The following ANKRD28 variants were observed in gnomAD, a reference collection of about 807,000 sequenced individuals.
ANKRD28 encodes the protein serine/threonine-protein phosphatase 6 regulatory ankyrin repeat subunit A.
ANKRD28 carries 44 observed loss-of-function variants against 126.5 expected under a neutral mutation model. The ratio of observed to expected loss-of-function variants is 0.35; its 90% CI spans 0.27 to 0.45. ANKRD28 has a LOEUF of 0.45. ANKRD28 is among the 20% of genes least tolerant of loss of function. The probability of loss-of-function intolerance (pLI) is 1.00; values close to 1 mark genes in which losing one functional copy is unlikely to be tolerated. For missense variants in ANKRD28, 1,110 were observed against 1,316.6 expected, an observed-to-expected ratio of 0.84 and a Z score of 2.43; for synonymous variants, 442 against 468.5, an observed-to-expected ratio of 0.94 and a Z score of 0.73.
intron 2 of ANKRD28, among the ~76,000 whole-genome samples, chr3:15,775,745 A>T (rs916064318): frequency 6.6e-6 from 1 of 152,224 alleles, no homozygotes; most frequent in Non-Finnish European, 1.5e-5. Flanking sequence ...TGCAACTTCC[A>T]TTCCCTCTCT....
At chr3:15,762,208 A>AAC (rs2058507953) in intron 3 of ANKRD28, among the ~76,000 whole-genome samples, 1 of 33,204 alleles carries the variant, frequency 3.0e-5, no homozygotes, top group African/African-American at 6.0e-5. Context: ...AAAAAAAAAA[A>AAC]AAAAACAAAA....
At chr3:15,677,844 A>T (rs2067105358) in intron 24 of ANKRD28, among the ~76,000 whole-genome samples, 1 of 152,194 alleles carries the variant, frequency 6.6e-6, no homozygotes, top group South Asian at 2.1e-4. Flanking sequence ...GATTTAAAGT[A>T]ATTTATTTAA....
At chr3:15,855,750 T>C (rs758222697) in intron 1 of ANKRD28, among the ~76,000 whole-genome samples, 13 of 152,120 alleles carry the variant, frequency 8.5e-5, no homozygotes, top group Non-Finnish European at 1.9e-4. Context: ...AGAAAGTAGA[T>C]TAGTGGCTGC....
chr3:15,779,288 A>G (rs548866173), intron 2 of ANKRD28, among the ~76,000 whole-genome samples: 6 of 152,324 alleles, frequency 3.9e-5, no homozygotes, highest in Non-Finnish European at 8.8e-5. Flanking sequence ...AAGCAGGGAG[A>G]AGAAATTATG....
chr3:15,771,284 C>T (rs1203215423), intron 2 of ANKRD28, among the ~76,000 whole-genome samples: 1 of 151,906 alleles, frequency 6.6e-6, no homozygotes, highest in Non-Finnish European at 1.5e-5. Context: ...GTGGCGGGCA[C>T]CTGTAATCCC....
At chr3:15,742,269 C>T (rs55941260) in intron 4 of ANKRD28, among the ~76,000 whole-genome samples, 3,590 of 151,054 alleles carry the variant, frequency 0.024, 146 homozygotes, top group African/African-American at 0.08. Context: ...TCTGCCCGGC[C>T]GCCATCCCAT....
At position 15,695,308 on chromosome 3, in the gene ANKRD28, A is replaced by G; in HGVS notation, c.1660-94T>C. ...ATAGAGCTTTGCTAACTTTTACCCT[A>G]AACCCGTGCTTCCTTTGGCTCCAAA... On this transcript the variant is annotated intron_variant, in intron 15 of 27. Transcript: ENST00000683139. 4 of 913,464 alleles carry G rather than the reference A, an allele frequency of 4.4e-6. No individual in the cohort carries two copies. In the South Asian group the frequency reaches 6.3e-5, roughly 14 times the overall value. The allele number at this position is 913,464 out of a possible 1,614,324, so 56.6% of individuals were successfully genotyped here.
chr3:15,859,790 AGCG>A (rs907810069), upstream of ANKRD28: 3 of 151,976 alleles, frequency 2.0e-5, no homozygotes, highest in Non-Finnish European at 4.4e-5. Context: ...AGCCCGCGGC[AGCG>A]GCGGCATCCA....
rs1047799090 is a variant in ANKRD28, at chr3:15,846,592, A to G, written c.27+12785T>C. On this transcript the variant is annotated intron_variant, in intron 1 of 27. Coordinates refer to the ANKRD28 transcript ENST00000399451. This position sits in a 1 kb window ranked among gnomAD's most constrained non-coding sequence, Gnocchi z 5.4. ...ACAGTTCCTAAATTCTGACCATTTTATAACAATCGAAAGAGCTCCACTGAT... is the reference window on the plus strand; with the variant it reads ...ACAGTTCCTAAATTCTGACCATTTTGTAACAATCGAAAGAGCTCCACTGAT... Among the ~76,000 whole-genome samples, 2 of 152,278 alleles carry G rather than the reference A, an allele frequency of 1.3e-5. No homozygotes were observed. The highest frequency in any genetic ancestry group is 4.8e-5 in the African/African-American group (2 of 41,482).
chr3:15,715,037 C>T (rs1381108050), intron 8 of ANKRD28, among the ~76,000 whole-genome samples: 2 of 151,948 alleles, frequency 1.3e-5, no homozygotes, highest in Non-Finnish European at 2.9e-5. Context: ...TGTGTGGATA[C>T]ATTTAAAAAA....
At chr3:15,786,288 T>G (rs2059775533) in intron 2 of ANKRD28, among the ~76,000 whole-genome samples, 1 of 152,054 alleles carries the variant, frequency 6.6e-6, no homozygotes, top group African/African-American at 2.4e-5. Flanking sequence ...GGCAGTAAAG[T>G]GTATGAGAAA....
rs1018960153 is a variant in ANKRD28 at position 15,737,295 on chromosome 3, A to T, written c.352-62T>A. 21 of 1,411,548 alleles carry T rather than the reference A, an allele frequency of 1.5e-5. No homozygotes were observed. In the East Asian group the frequency reaches 5.2e-4, roughly 35 times the overall value. The allele number at this position is 1,411,548 out of a possible 1,614,324, so 87.4% of individuals were successfully genotyped here. A position where few individuals can be genotyped will look rare whatever the true frequency, so the allele number is the denominator to read the frequency against. On this transcript the variant is annotated intron_variant, in intron 4 of 27. Transcript: ENST00000683139. ...TAAGAGTTTGAGAAATTATTTCTAT[A>T]TATAGTGTGCGTGTGTGTGTATAAA...
Position 15,796,891 on chromosome 3 carries a change from CATT to C in ANKRD28, c.-373_-371del. ...CTGAAATTTACTTGCACAAAACAAT[CATT>C]GTTTTTGGTGACACAACACCACACA... On this transcript the variant is annotated 5_prime_UTR_variant, in exon 1 of 28. An upstream start codon of the reference 5' UTR is lost. Transcript: ENST00000683139. 1 of 987,486 alleles carries C rather than the reference CATT, an allele frequency of 1.0e-6. No individual in the cohort carries two copies. Among genetic ancestry groups the C allele is most frequent in the Non-Finnish European group, 1.2e-6 (1 of 831,246 alleles). 61.2% of individuals were successfully genotyped at this position (987,486 alleles called of 1,614,324 possible). A position where few individuals can be genotyped will look rare whatever the true frequency, so the allele number is the denominator to read the frequency against.
chr3:15,699,324 AG>A (rs912367457), intron 14 of ANKRD28, among the ~76,000 whole-genome samples: 38 of 152,252 alleles, frequency 2.5e-4, no homozygotes, highest in African/African-American at 9.2e-4. Flanking sequence ...TTCAGGGCAT[AG>A]GCATGGGCAA....
chr3:15,738,095 A>C (rs777420486), intron 4 of ANKRD28, among the ~76,000 whole-genome samples: 38 of 152,202 alleles, frequency 2.5e-4, no homozygotes, highest in Non-Finnish European at 5.0e-4. Flanking sequence ...AACATTAAGC[A>C]ATATAATCAG....
intron 3 of ANKRD28, among the ~76,000 whole-genome samples, chr3:15,760,196 T>TG (rs2058379562): frequency 6.6e-6 from 1 of 151,856 alleles, no homozygotes; most frequent in Non-Finnish European, 1.5e-5. Flanking sequence ...TATCAGAGGG[T>TG]GGACGATAAG....
intron 6 of ANKRD28, among the ~76,000 whole-genome samples, chr3:15,731,710 C>T (rs974183578): frequency 2.0e-5 from 3 of 151,590 alleles, no homozygotes; most frequent in African/African-American, 4.9e-5. Context: ...ATTAGCTGGG[C>T]GTGGTGGCAG....
chr3:15,820,706 G>A (rs1345924908), intron 1 of ANKRD28, among the ~76,000 whole-genome samples: 5 of 151,804 alleles, frequency 3.3e-5, no homozygotes, highest in Admixed American at 2.0e-4. Context: ...TAATTCACAG[G>A]GGTTCATTAA....
At chr3:15,678,126 T>A in intron 24 of ANKRD28, 83 bp downstream of exon 24, 1 of 1,335,160 alleles carries the variant, frequency 7.5e-7, no homozygotes, top group Non-Finnish European at 1.0e-6. Flanking sequence ...GATAACTAGT[T>A]GAAGTCAGAA....
Sources: gnomAD v4.1 joint callset for allele counts (sites outside exome capture counted in the v4.1 genomes callset) on GRCh38, gnomAD v4.1.1 for gene constraint, Gnocchi (gnomAD v3.1) non-coding constraint, MANE v1.5 for transcripts, NCBI Gene and HGNC (gene_info 2026-07-23, HGNC 2026-07-21) for gene names.